The following TMEM178B variants were observed in gnomAD, a reference collection of about 807,000 sequenced individuals.
The protein encoded by TMEM178B is transmembrane protein 178B.
TMEM178B carries 5 observed loss-of-function variants against 31.0 expected under a neutral mutation model. That is an observed-to-expected ratio of 0.16 (90% CI 0.08 to 0.34). TMEM178B has a LOEUF of 0.34. Among genes scored for constraint, TMEM178B ranks in the 10% least tolerant of loss-of-function variants. TMEM178B has a pLI of 1.00. For missense variants in TMEM178B, 275 were observed against 400.3 expected (o/e 0.69, Z 2.67); for synonymous variants, 164 against 164.0 (o/e 1.00, Z 0.00).
At chr7:141,234,200 T>TA (rs1280883212) in intron 2 of TMEM178B, among the ~76,000 whole-genome samples, 1 of 152,216 alleles carries the variant, frequency 6.6e-6, no homozygotes, top group African/African-American at 2.4e-5. Context: ...GTGTAAAACT[T>TA]AAAGTGTCTA....
intron 2 of TMEM178B, among the ~76,000 whole-genome samples, chr7:141,399,530 T>A (rs1181426987): frequency 6.6e-6 from 1 of 152,198 alleles, no homozygotes; most frequent in Admixed American, 6.5e-5. Flanking sequence ...TTGGAGTCTA[T>A]GGTAATGAAA....
intron 2 of TMEM178B, among the ~76,000 whole-genome samples, chr7:141,337,923 T>C (rs1012361526): frequency 6.6e-6 from 1 of 152,146 alleles, no homozygotes; most frequent in Admixed American, 6.5e-5. Context: ...CTGCAAGCTC[T>C]GCCTCCCGGG....
chr7:141,357,261 A>G (rs1799836283), intron 2 of TMEM178B, among the ~76,000 whole-genome samples: 1 of 152,190 alleles, frequency 6.6e-6, no homozygotes, highest in East Asian at 1.9e-4. Flanking sequence ...TCATATTTCC[A>G]GTTAGTACCA....
chr7:141,373,008 A>G (rs1283346555), intron 2 of TMEM178B, among the ~76,000 whole-genome samples: 2 of 152,192 alleles, frequency 1.3e-5, no homozygotes, highest in Non-Finnish European at 2.9e-5. Context: ...GACAGCCTGG[A>G]GTCCACCGCT....
intron 2 of TMEM178B, among the ~76,000 whole-genome samples, chr7:141,301,424 G>A (rs915379637): frequency 5.9e-5 from 9 of 152,068 alleles, no homozygotes; most frequent in South Asian, 2.1e-4. Context: ...GTAGTTTTAC[G>A]TGTTTATGTT....
At chr7:141,216,444 T>TGC in intron 2 of TMEM178B, among the ~76,000 whole-genome samples, 1 of 53,886 alleles carries the variant, frequency 1.9e-5, no homozygotes, top group Non-Finnish European at 5.8e-5. Context: ...TGTGTGTGTG[T>TGC]GTGTGCGCGC....
intron 1 of TMEM178B, among the ~76,000 whole-genome samples, chr7:141,158,100 A>G: frequency 6.6e-6 from 1 of 151,876 alleles, no homozygotes. Context: ...CAGATTGCCA[A>G]TTTTTTGTTT....
intron 1 of TMEM178B, among the ~76,000 whole-genome samples, chr7:141,178,741 C>T (rs934388688): frequency 1.3e-5 from 2 of 152,182 alleles, no homozygotes; most frequent in African/African-American, 4.8e-5. Context: ...TCTTCTTTCT[C>T]CTGAGTCCTA....
chr7:141,468,616 T>C (rs1563190547), intron 3 of TMEM178B, among the ~76,000 whole-genome samples: 1 of 152,182 alleles, frequency 6.6e-6, no homozygotes, highest in Non-Finnish European at 1.5e-5. Flanking sequence ...TTTTATGAAT[T>C]AAGGTTTTAG....
intron 2 of TMEM178B, among the ~76,000 whole-genome samples, chr7:141,234,233 A>G (rs935448066): frequency 2.0e-5 from 3 of 152,204 alleles, no homozygotes; most frequent in Admixed American, 1.3e-4. Flanking sequence ...AATCACTTCA[A>G]TAAAGGGCAC....
chr7:141,289,333 C>G (rs1271755541), intron 2 of TMEM178B, among the ~76,000 whole-genome samples: 2 of 152,186 alleles, frequency 1.3e-5, no homozygotes, highest in African/African-American at 2.4e-5. Flanking sequence ...ATTGCAATAA[C>G]TCTGTAAAGT....
chr7:141,120,312 G>A (rs1795389050), intron 1 of TMEM178B, among the ~76,000 whole-genome samples: 1 of 152,148 alleles, frequency 6.6e-6, no homozygotes, highest in Non-Finnish European at 1.5e-5. Flanking sequence ...TGAATGGATA[G>A]CATTCATATC....
At chr7:141,455,125 T>A (rs1181954583) in intron 3 of TMEM178B, among the ~76,000 whole-genome samples, 3 of 152,160 alleles carry the variant, frequency 2.0e-5, no homozygotes, top group African/African-American at 7.2e-5. Context: ...TTGAAAGAGA[T>A]TTAGTGCTCT....
chr7:141,310,323 A>G (rs897787603), intron 2 of TMEM178B, among the ~76,000 whole-genome samples: 1 of 134,174 alleles, frequency 7.5e-6, no homozygotes. Flanking sequence ...CAAATATGAA[A>G]AGAAGTCATC....
chr7:141,202,184 A>G (rs1017050084), intron 1 of TMEM178B, among the ~76,000 whole-genome samples: 2 of 152,238 alleles, frequency 1.3e-5, no homozygotes, highest in Admixed American at 6.5e-5. Flanking sequence ...GTTAAAATGA[A>G]TAACAGTACT....
At chr7:141,492,241 C>G in the TMEM178B span, among the ~76,000 whole-genome samples, 267 of 152,292 alleles carry the variant, frequency 1.8e-3, 2 homozygotes, top group Non-Finnish European at 3.4e-3. Flanking sequence ...ATTTTTCCCT[C>G]GCTCCTAATC....
At chr7:141,343,525 CTTTTTTTTTT>C (rs11442055) in intron 2 of TMEM178B, among the ~76,000 whole-genome samples, 2 of 87,000 alleles carry the variant, frequency 2.3e-5, no homozygotes, top group African/African-American at 4.9e-5. Flanking sequence ...ATGGGAGCAC[CTTTTTTTTTT>C]TTTTTTTTTT....
At chr7:141,260,260 A>G (rs564971949) in intron 2 of TMEM178B, among the ~76,000 whole-genome samples, 4 of 152,194 alleles carry the variant, frequency 2.6e-5, no homozygotes, top group African/African-American at 9.6e-5. Flanking sequence ...TGATTTTCTT[A>G]TCTTGTTCCA....
chr7:141,192,906 G>A (rs192825445), intron 1 of TMEM178B, among the ~76,000 whole-genome samples: 188 of 152,250 alleles, frequency 1.2e-3, no homozygotes, highest in Non-Finnish European at 2.1e-3. Context: ...CAGGGGGGAG[G>A]CATCTTATGA....
Sources: gnomAD v4.1 joint callset for allele counts (sites outside exome capture counted in the v4.1 genomes callset) on GRCh38, gnomAD v4.1.1 for gene constraint, MANE v1.5 for transcripts, NCBI Gene and HGNC (gene_info 2026-07-23, HGNC 2026-07-21) for gene names.